RHOBTB2: variants seen among roughly 807,000 people sequenced by gnomAD.
RHOBTB2 encodes Rho related BTB domain containing 2.
A neutral mutation model predicts 66.5 loss-of-function variants in RHOBTB2; 39 were observed. That is an observed-to-expected ratio of 0.59 (90% CI 0.45 to 0.77). The LOEUF (loss-of-function observed/expected upper bound fraction) is 0.77, where lower values mean the gene tolerates loss of function less well. Among genes scored for constraint, RHOBTB2 ranks in the 30% least tolerant of loss-of-function variants. The pLI is 0.00. For missense variants in RHOBTB2, 755 were observed against 999.1 expected, an observed-to-expected ratio of 0.76 and a Z score of 3.29; for synonymous variants, 390 against 395.0, an observed-to-expected ratio of 0.99 and a Z score of 0.15.
At chr8:22,997,683 T>TA (rs1810614189), upstream of RHOBTB2, among the ~76,000 whole-genome samples, 1 of 152,210 alleles carries the variant, frequency 6.6e-6, no homozygotes, top group South Asian at 2.1e-4. Flanking sequence ...TCTGTCTTCC[T>TA]ACTCCTTGCT....
chr8:22,960,001 T>A, the RHOBTB2 span, among the ~76,000 whole-genome samples: 23 of 104,768 alleles, frequency 2.2e-4, no homozygotes, highest in South Asian at 6.6e-4. Flanking sequence ...CCATCTCTAC[T>A]AAAAAAAAAA....
At chr8:23,008,517 C>G (rs776332603) in intron 6 of RHOBTB2, among the ~76,000 whole-genome samples, 5 of 152,134 alleles carry the variant, frequency 3.3e-5, no homozygotes, top group Non-Finnish European at 5.9e-5. Flanking sequence ...CTCCCTGACA[C>G]ACTTGAAACA....
chr8:23,010,638 T>A lies in RHOBTB2; in HGVS notation c.1721T>A (p.Leu574His). ...TSSPDLDDMK[L>H]IILANRLCLP... Reference sequence around the variant, plus strand: ...AGCCCCGACCTGGATGACATGAAGCTCATCATTCTAGCCAACCGCCTCTGC... The same window carrying A: ...AGCCCCGACCTGGATGACATGAAGCACATCATTCTAGCCAACCGCCTCTGC... Residue 574 changes from leucine (L) to histidine (H), a missense_variant, in exon 7 of 10, where the codon CTC becomes CAC. By Grantham distance (99) the Leu-to-His change is moderately conservative (BLOSUM62 -3). Transcript: ENST00000251822. 1.9e-6 allele frequency: 3 copies of A among 1,614,104 alleles called. No individual in the cohort carries two copies. The highest frequency in any genetic ancestry group is 2.5e-6 in the Non-Finnish European group (3 of 1,180,010).
At chr8:22,997,817 G>A (rs548982844), upstream of RHOBTB2, among the ~76,000 whole-genome samples, 17 of 152,310 alleles carry the variant, frequency 1.1e-4, no homozygotes, top group South Asian at 2.5e-3. Context: ...CTGGCCTGCC[G>A]TGGGAATCAT....
chr8:23,000,755 C>G (rs1272661165), intron 1 of RHOBTB2, among the ~76,000 whole-genome samples: 1 of 152,182 alleles, frequency 6.6e-6, no homozygotes. Context: ...TCTCTTTGTT[C>G]TTCTCCTTCC....
At chr8:22,953,772 C>T in the RHOBTB2 span, among the ~76,000 whole-genome samples, 1 of 152,214 alleles carries the variant, frequency 6.6e-6, no homozygotes, top group Non-Finnish European at 1.5e-5. Flanking sequence ...AGTCAGGCTC[C>T]TATTCCAGAT....
rs115999720 is a variant in RHOBTB2 at position 23,020,184 on chromosome 8, A to C, written c.*2715A>C. ...TTGGTCATGGATTCATAAATACATA[A>C]GTATTTTGTACACAATGTGCTTCCT... is the stretch of plus-strand genomic sequence containing the variant. On this transcript the variant is annotated 3_prime_UTR_variant, in exon 10 of 10. Transcript: ENST00000251822. 2 of 429,692 alleles carry C rather than the reference A, an allele frequency of 4.7e-6. No homozygotes were observed. The highest frequency in any genetic ancestry group is 7.5e-4 in the Middle Eastern group (1 of 1,334). 26.6% of individuals were successfully genotyped at this position (429,692 alleles called of 1,614,324 possible).
intron 9 of RHOBTB2, 69 bp downstream of exon 9, chr8:23,015,812 TC>T: frequency 9.0e-7 from 1 of 1,109,644 alleles, no homozygotes. Context: ...TCCCATGTAA[TC>T]CCAGGGACCC....
upstream of RHOBTB2, among the ~76,000 whole-genome samples, chr8:22,986,147 TC>T (rs1810284376): frequency 2.0e-5 from 3 of 146,556 alleles, no homozygotes; most frequent in African/African-American, 7.9e-5. Context: ...GACTTCTCTC[TC>T]TCTCTCTCTC....
intron 1 of RHOBTB2, among the ~76,000 whole-genome samples, chr8:23,001,957 G>T (rs1248647588): frequency 6.6e-6 from 1 of 152,192 alleles, no homozygotes; most frequent in Non-Finnish European, 1.5e-5. Flanking sequence ...CTTAACTCTA[G>T]AGGTGACATA....
the RHOBTB2 span, among the ~76,000 whole-genome samples, chr8:22,974,241 C>A: frequency 6.6e-6 from 1 of 152,348 alleles, no homozygotes; most frequent in South Asian, 2.1e-4. Context: ...GATTTCCAAG[C>A]CTGGGTTACA....
At chr8:22,997,070 G>T (rs1279406202), upstream of RHOBTB2, among the ~76,000 whole-genome samples, 1 of 152,136 alleles carries the variant, frequency 6.6e-6, no homozygotes, top group Non-Finnish European at 1.5e-5. Flanking sequence ...TACAGCGTGG[G>T]GAATGCTGCC....
chr8:22,968,002 C>CA, the RHOBTB2 span, among the ~76,000 whole-genome samples: 1 of 151,822 alleles, frequency 6.6e-6, no homozygotes, highest in Non-Finnish European at 1.5e-5. Context: ...ACAAAAATCA[C>CA]AAAAAACAGC....
intron 1 of RHOBTB2, among the ~76,000 whole-genome samples, chr8:22,990,645 T>C (rs1461430019): frequency 6.6e-6 from 1 of 152,176 alleles, no homozygotes; most frequent in Non-Finnish European, 1.5e-5. Context: ...GAAGATCATG[T>C]GACCTAGAGT....
In RHOBTB2 at chr8:22,999,841, G is replaced by C. The variant is rs1226139047; in HGVS notation, c.-275G>C. 76 of 984,532 alleles carry C rather than the reference G, an allele frequency of 7.7e-5. No individual in the cohort carries two copies. Among genetic ancestry groups the C allele is most frequent in the Non-Finnish European group, 8.4e-5 (70 of 829,918 alleles). The allele number at this position is 984,532 out of a possible 1,614,324, so 61.0% of individuals were successfully genotyped here. A position where few individuals can be genotyped will look rare whatever the true frequency, so the allele number is the denominator to read the frequency against. ...GTGACATTGGGCGCCTGGCGCGCGG[G>C]GCGATGCTGATCCGGAAGGGGCAGC... On this transcript the variant is annotated 5_prime_UTR_variant, in exon 1 of 10. Coordinates refer to ENST00000251822, the MANE Select transcript of RHOBTB2 (RefSeq NM_015178.3).
intron 1 of RHOBTB2, among the ~76,000 whole-genome samples, chr8:23,001,305 A>G (rs572559574): frequency 1.3e-5 from 2 of 151,422 alleles, no homozygotes; most frequent in South Asian, 4.2e-4. Flanking sequence ...AGGGAAGAAG[A>G]GAGAGCCGGA....
chr8:22,971,160 A>G, the RHOBTB2 span, among the ~76,000 whole-genome samples: 1 of 149,022 alleles, frequency 6.7e-6, no homozygotes, highest in Admixed American at 6.7e-5. Flanking sequence ...AGCCCATATT[A>G]CTTCTCTCTT....
chr8:22,999,259 C>T (rs1297412138), upstream of RHOBTB2: 1 of 155,146 alleles, frequency 6.4e-6, no homozygotes, highest in Admixed American at 6.5e-5. Context: ...TTCCAGGGTG[C>T]ACTAGGATGC....
intron 1 of RHOBTB2, among the ~76,000 whole-genome samples, chr8:23,002,485 A>G (rs1490377665): frequency 6.6e-6 from 1 of 152,212 alleles, no homozygotes; most frequent in Non-Finnish European, 1.5e-5. Context: ...TGAGGTCAGG[A>G]GTTTAAGACC....
Sources: gnomAD v4.1 joint callset for allele counts (sites outside exome capture counted in the v4.1 genomes callset) on GRCh38, gnomAD v4.1.1 for gene constraint, MANE v1.5 for transcripts, NCBI Gene and HGNC (gene_info 2026-07-23, HGNC 2026-07-21) for gene names.